GGA2: variants seen among roughly 807,000 people sequenced by gnomAD.
GGA2 encodes ADP-ribosylation factor-binding protein GGA2.
In GGA2, 48 loss-of-function variants were observed where a neutral mutation model predicts 79.5. That is an observed-to-expected ratio of 0.60 (90% CI 0.48 to 0.77). The LOEUF is 0.77. GGA2 is among the 30% of genes least tolerant of loss of function. GGA2 has a pLI of 0.00. For synonymous variants in GGA2, 317 were observed against 302.0 expected (o/e 1.05, Z -0.51); for missense variants, 770 against 774.0 (o/e 0.99, Z 0.06).
rs1410961692 is a variant in GGA2 at position 23,475,076 on chromosome 16, A to T, written c.1293-15T>A. 5.2e-6 allele frequency: 8 copies of T among 1,542,106 alleles called. No individual in the cohort carries two copies. Among genetic ancestry groups the T allele is most frequent in the Non-Finnish European group, 7.0e-6 (8 of 1,140,356 alleles). On this transcript the variant is annotated splice_polypyrimidine_tract_variant and intron_variant, in intron 13 of 16. Transcript: ENST00000309859. Reference sequence around the variant, plus strand: ...AAACATAATTCCTACAAAGAAATAAAAAATATCAAAGACTAGCAAAAATTG... The same window carrying T: ...AAACATAATTCCTACAAAGAAATAATAAATATCAAAGACTAGCAAAAATTG...
rs963264236 is a variant in GGA2 at position 23,510,226 on chromosome 16, G to A, written c.91+95C>T. 1.7e-5 allele frequency: 13 copies of A among 771,758 alleles called. No individual in the cohort carries two copies. In the Admixed American group the frequency reaches 4.5e-4, roughly 26 times the overall value. The allele number at this position is 771,758 out of a possible 1,614,324, so 47.8% of individuals were successfully genotyped here. A position where few individuals can be genotyped will look rare whatever the true frequency, so the allele number is the denominator to read the frequency against. ...CCCTACCCGGCCGCCGGCCTCCCCT[G>A]CGGCCGCCCGCCCCGAAGCAAGGCC... On this transcript the variant is annotated intron_variant, in intron 1 of 16. Coordinates refer to ENST00000309859, the MANE Select transcript of GGA2 (RefSeq NM_015044.4).
chr16:23,495,660 C>G, intron 2 of GGA2, 34 bp downstream of exon 2: 1 of 1,259,890 alleles, frequency 7.9e-7, no homozygotes, highest in Non-Finnish European at 1.2e-6. Flanking sequence ...GGGGTGCCCC[C>G]AGAGTCAACT....
chr16:23,486,616 C>A, intron 7 of GGA2, 94 bp downstream of exon 7: 1 of 807,906 alleles, frequency 1.2e-6, no homozygotes, highest in Non-Finnish European at 2.2e-6. Context: ...TCCCAGGCAA[C>A]CGTTCCTCTA....
At position 23,478,512 on chromosome 16, in the gene GGA2, A is replaced by C. The variant is rs755009535; in HGVS notation, c.1159-11T>G. On this transcript the variant is annotated splice_polypyrimidine_tract_variant and intron_variant, in intron 12 of 16. Transcript: ENST00000309859. Reference sequence around the variant, plus strand: ...ATTCTGACCAGAAACCTGTCAAATCAGGAATGGCTAAAATAAGACCAGGGT... The same window carrying C: ...ATTCTGACCAGAAACCTGTCAAATCCGGAATGGCTAAAATAAGACCAGGGT... 4 of 1,603,002 alleles carry C rather than the reference A, an allele frequency of 2.5e-6. No individual in the cohort carries two copies.
At chr16:23,472,193 T>TTC (rs932479603) in intron 14 of GGA2, among the ~76,000 whole-genome samples, 1 of 138,944 alleles carries the variant, frequency 7.2e-6, no homozygotes, top group African/African-American at 2.7e-5. Flanking sequence ...GGTTTTTTTT[T>TTC]TTTTTTTTTT....
chr16:23,465,443 T>C lies in GGA2; in HGVS notation c.*2147A>G, dbSNP rs748958549. The C allele has an allele frequency of 6.0e-5, 42 of 702,538 alleles. No homozygotes were observed. The highest frequency in any genetic ancestry group is 9.6e-5 in the Non-Finnish European group (37 of 384,678). 43.5% of individuals were successfully genotyped at this position (702,538 alleles called of 1,614,324 possible). Reference sequence around the variant, plus strand: ...CCCTATCCTGTCCAACACCTAAGCATAGTAGTACCACTGGGAGTCTGTCTC... The same window carrying C: ...CCCTATCCTGTCCAACACCTAAGCACAGTAGTACCACTGGGAGTCTGTCTC... On this transcript the variant is annotated 3_prime_UTR_variant, in exon 17 of 17. Coordinates refer to ENST00000309859, the MANE Select transcript of GGA2 (RefSeq NM_015044.4).
At chr16:23,496,226 T>G (rs1305311265) in intron 1 of GGA2, among the ~76,000 whole-genome samples, 1 of 148,460 alleles carries the variant, frequency 6.7e-6, no homozygotes, top group Non-Finnish European at 1.5e-5. Flanking sequence ...TCGCTTGAAC[T>G]TGGGAGGTGG....
At chr16:23,469,124 C>T in intron 15 of GGA2, 128 bp from the exon 16 acceptor site, 1 of 603,950 alleles carries the variant, frequency 1.7e-6, no homozygotes, top group Non-Finnish European at 3.0e-6. Context: ...AAACGTGGTA[C>T]CCCGAGGCAC....
At chr16:23,507,888 A>G (rs1964990836) in intron 1 of GGA2, among the ~76,000 whole-genome samples, 1 of 151,966 alleles carries the variant, frequency 6.6e-6, no homozygotes, top group South Asian at 2.1e-4. Flanking sequence ...AGCCCAGGAG[A>G]GGGGTAAGCT....
At position 23,465,189 on chromosome 16, in the gene GGA2, T is replaced by G. The variant is rs1277944244; in HGVS notation, c.*2401A>C. On this transcript the variant is annotated 3_prime_UTR_variant, in exon 17 of 17. Coordinates refer to ENST00000309859, the MANE Select transcript of GGA2 (RefSeq NM_015044.4). ...AAAACAGAGACACGGTCTCACTATG[T>G]AGCCCAGGCTGGACTTGAAATCCTG... 9 of 618,054 alleles carry G rather than the reference T, an allele frequency of 1.5e-5. No homozygotes were observed. The highest frequency in any genetic ancestry group is 2.6e-5 in the Non-Finnish European group (9 of 345,750). 38.3% of individuals were successfully genotyped at this position (618,054 alleles called of 1,614,324 possible).
chr16:23,492,867 A>G (rs1158146443), intron 4 of GGA2, among the ~76,000 whole-genome samples: 1 of 152,130 alleles, frequency 6.6e-6, no homozygotes, highest in African/African-American at 2.4e-5. Flanking sequence ...GGGTCCGGGT[A>G]GCATGCAACT....
At chr16:23,473,141 T>C (rs1447192114) in intron 14 of GGA2, among the ~76,000 whole-genome samples, 1 of 151,008 alleles carries the variant, frequency 6.6e-6, no homozygotes, top group East Asian at 1.9e-4. Context: ...ACTAAGGGCA[T>C]AAAAATGGTA....
chr16:23,493,610 G>A (rs1006280646), intron 3 of GGA2, 152 bp from the exon 4 acceptor site: 9 of 610,610 alleles, frequency 1.5e-5, no homozygotes, highest in Admixed American at 2.8e-5. Context: ...TGAAGAGGAC[G>A]TTTTCAGATC....
At chr16:23,471,409 A>G (rs986999201) in intron 14 of GGA2, among the ~76,000 whole-genome samples, 5 of 152,092 alleles carry the variant, frequency 3.3e-5, no homozygotes, top group Non-Finnish European at 7.4e-5. Flanking sequence ...AAATTTAAAA[A>G]GGGGGGCAGG....
intron 8 of GGA2, among the ~76,000 whole-genome samples, chr16:23,484,081 G>T (rs1022770163): frequency 2.6e-5 from 4 of 151,040 alleles, no homozygotes; most frequent in African/African-American, 9.7e-5. Context: ...CTCAGGCCAG[G>T]GTTCAAGACC....
chr16:23,510,495 G>A, upstream of GGA2: 1 of 492,556 alleles, frequency 2.0e-6, no homozygotes, highest in Non-Finnish European at 3.2e-6. Flanking sequence ...TGCTGACTGC[G>A]CGGCAGGAGC....
At chr16:23,519,535 T>C (rs1262219098) in intron 2 of GGA2, 2 of 361,848 alleles carry the variant, frequency 5.5e-6, no homozygotes, top group Non-Finnish European at 1.1e-5. Context: ...CGAGTTTGTA[T>C]GTGGAATATT....
intron 1 of GGA2, among the ~76,000 whole-genome samples, chr16:23,504,764 G>T (rs1964956250): frequency 6.6e-6 from 1 of 152,206 alleles, no homozygotes. Flanking sequence ...CTCCAAGGTG[G>T]TTTATTTATA....
chr16:23,474,866 GAAAA>G, intron 14 of GGA2, 34 bp downstream of exon 14: 1 of 1,350,098 alleles, frequency 7.4e-7, no homozygotes, highest in Non-Finnish European at 1.0e-6. Flanking sequence ...GATTCCCAGG[GAAAA>G]AAAAAAAAAG....
Sources: gnomAD v4.1 joint callset for allele counts (sites outside exome capture counted in the v4.1 genomes callset) on GRCh38, gnomAD v4.1.1 for gene constraint, MANE v1.5 for transcripts, NCBI Gene and HGNC (gene_info 2026-07-23, HGNC 2026-07-21) for gene names.